The following SATB1 variants were observed in gnomAD, a reference collection of about 807,000 sequenced individuals.
The protein encoded by SATB1 is DNA-binding protein SATB1.
Under a neutral mutation model 86.9 loss-of-function variants are expected in SATB1, and 11 were observed. The ratio of observed to expected loss-of-function variants is 0.13; its 90% CI spans 0.08 to 0.21. SATB1 has a LOEUF of 0.21. SATB1 is among the 10% of genes least tolerant of loss of function. The pLI is 1.00. For missense variants in SATB1, 551 were observed against 937.6 expected (o/e 0.59, Z 5.39); for synonymous variants, 357 against 357.2 (o/e 1.00, Z 0.01).
chr3:18,349,524 C>A lies in SATB1; in HGVS notation c.1938G>T (p.Arg646=). The change falls in exon 11 of 11, where the codon CGG becomes CGT. Residue 646 remains arginine, a synonymous_variant. Coordinates refer to ENST00000338745, the MANE Select transcript of SATB1 (RefSeq NM_002971.6). The surrounding 1 kb of genome is among the most constrained non-coding windows in gnomAD (Gnocchi z 5.5). ...CTTCCACTGAAATTTTTGTTCGTGGCCGGGTCTTCTGTCGGTTTTCCTCAT... is the reference window on the plus strand; with the variant it reads ...CTTCCACTGAAATTTTTGTTCGTGGACGGGTCTTCTGTCGGTTTTCCTCAT... ...ESDEENRQKT[R]PRTKISVEAL... 6.2e-7 allele frequency: 1 copy of A among 1,614,112 alleles called. No homozygotes were observed. The highest frequency in any genetic ancestry group is 8.5e-7 in the Non-Finnish European group (1 of 1,180,026).
At position 18,349,833 on chromosome 3, in the gene SATB1, G is replaced by A. The variant is rs146695920; in HGVS notation, c.1780-151C>T. The A allele has an allele frequency of 3.5e-4, 468 of 1,346,700 alleles. No individual in the cohort carries two copies. In the African/African-American group the frequency reaches 6.4e-3, roughly 18 times the overall value. 83.4% of individuals were successfully genotyped at this position (1,346,700 alleles called of 1,614,324 possible). ...GAAAGAAAAGGTAGGCCGGCGAAAT[G>A]GCCGACAGCATTTACAAAAAAATCA... On this transcript the variant is annotated intron_variant, in intron 10 of 10. Coordinates refer to ENST00000338745, the MANE Select transcript of SATB1 (RefSeq NM_002971.6). This position sits in a 1 kb window ranked among gnomAD's most constrained non-coding sequence, Gnocchi z 5.5.
At chr3:18,414,445 A>C (rs969561746) in intron 5 of SATB1, among the ~76,000 whole-genome samples, 1 of 152,084 alleles carries the variant, frequency 6.6e-6, no homozygotes, top group African/African-American at 2.4e-5. Context: ...ATCAAGGAAA[A>C]TCATTAAAAA....
intron 9 of SATB1, among the ~76,000 whole-genome samples, chr3:18,364,946 GGTTTCCATTAGAGGT>G (rs1695108504): frequency 1.3e-5 from 2 of 152,074 alleles, no homozygotes; most frequent in South Asian, 4.2e-4. Flanking sequence ...AGTAGCCCCA[GGTTTCCATTAGAGGT>G]GTTTCAGAAG....
In SATB1 at chr3:18,386,759, T is replaced by G; in HGVS notation, c.1207-148A>C. The G allele has an allele frequency of 1.6e-6, 1 of 630,392 alleles. No individual in the cohort carries two copies. Among genetic ancestry groups the G allele is most frequent in the Non-Finnish European group, 2.8e-6 (1 of 362,466 alleles). 39.0% of individuals were successfully genotyped at this position (630,392 alleles called of 1,614,324 possible). ...AGGAATATATTAGTTACAACTGAAG[T>G]GGTAGAGAAGAGAGCCTCAATTGTA... On this transcript the variant is annotated intron_variant, in intron 7 of 10. Coordinates refer to ENST00000338745, the MANE Select transcript of SATB1 (RefSeq NM_002971.6). This position sits in a 1 kb window ranked among gnomAD's most constrained non-coding sequence, Gnocchi z 4.5.
intron 5 of SATB1, among the ~76,000 whole-genome samples, chr3:18,401,903 C>A (rs745663696): frequency 1.3e-5 from 2 of 152,122 alleles, no homozygotes; most frequent in Non-Finnish European, 2.9e-5. Flanking sequence ...TAGAATGATA[C>A]CATCTGCCAC....
intron 2 of SATB1, chr3:18,417,783 G>C: frequency 3.2e-6 from 2 of 621,574 alleles, no homozygotes; most frequent in Non-Finnish European, 5.7e-6. Flanking sequence ...GTACCCATAA[G>C]TCTTTAAAAT....
chr3:18,386,652 C>CT lies in SATB1; in HGVS notation c.1207-42dup, dbSNP rs1243857940. 1 of 1,537,150 alleles carries CT rather than the reference C, an allele frequency of 6.5e-7. No individual in the cohort carries two copies. Among genetic ancestry groups the CT allele is most frequent in the East Asian group, 2.3e-5 (1 of 44,408 alleles). ...GGCACAGGGTGAGCCTGCTGCCTTG[C>CT]TTTGCCTGGCCAGCAGTGATCCTTC... On this transcript the variant is annotated intron_variant, in intron 7 of 10. Transcript: ENST00000338745. The surrounding 1 kb of genome is among the most constrained non-coding windows in gnomAD (Gnocchi z 4.5).
At chr3:18,439,894 C>T (rs1216560709), upstream of SATB1, among the ~76,000 whole-genome samples, 1 of 152,214 alleles carries the variant, frequency 6.6e-6, no homozygotes, top group African/African-American at 2.4e-5. Flanking sequence ...AGTATTACAA[C>T]AAAGTAGAAA....
chr3:18,396,727 A>G (rs1322600177), intron 6 of SATB1, among the ~76,000 whole-genome samples: 1 of 152,162 alleles, frequency 6.6e-6, no homozygotes, highest in Non-Finnish European at 1.5e-5. Context: ...TATAAAAATC[A>G]CTTGATCTCT....
intron 5 of SATB1, among the ~76,000 whole-genome samples, chr3:18,404,913 G>C (rs540985333): frequency 6.6e-6 from 1 of 152,006 alleles, no homozygotes; most frequent in Non-Finnish European, 1.5e-5. Context: ...AACATGAAGG[G>C]AACTGAACTA....
At chr3:18,411,126 T>A (rs994912168) in intron 5 of SATB1, 11 of 366,496 alleles carry the variant, frequency 3.0e-5, no homozygotes, top group African/African-American at 4.2e-5. Flanking sequence ...CAAATTTATT[T>A]TATATATATT....
rs1340484412 is a variant in SATB1 at position 18,363,012 on chromosome 3, C to T, written c.1576-10817G>A. Among the ~76,000 whole-genome samples the T allele has an allele frequency of 3.9e-5, 6 of 152,052 alleles. No homozygotes were observed. The East Asian group carries it at 1.2e-3, about 29-fold the overall frequency. On this transcript the variant is annotated intron_variant, in intron 9 of 10. Transcript: ENST00000338745. ...TTGATTTGGATAAATATTTCTGCCA[C>T]TGCATTTTACATTGATTTATGTGAA...
At position 18,349,865 on chromosome 3, in the gene SATB1, T is replaced by C; in HGVS notation, c.1780-183A>G. 1 of 1,082,728 alleles carries C rather than the reference T, an allele frequency of 9.2e-7. No homozygotes were observed. The highest frequency in any genetic ancestry group is 1.3e-6 in the Non-Finnish European group (1 of 782,708). The allele number at this position is 1,082,728 out of a possible 1,614,324, so 67.1% of individuals were successfully genotyped here. A position where few individuals can be genotyped will look rare whatever the true frequency, so the allele number is the denominator to read the frequency against. The stretch of plus-strand genomic sequence containing the variant: ...AGCATTTACAAAAAAATCAAAATGA[T>C]ATGACTAGGAAGGGATGAATTAAGA... On this transcript the variant is annotated intron_variant, in intron 10 of 10. Coordinates refer to ENST00000338745, the MANE Select transcript of SATB1 (RefSeq NM_002971.6). This position sits in a 1 kb window ranked among gnomAD's most constrained non-coding sequence, Gnocchi z 5.5.
At chr3:18,421,859 A>C (rs1184550088) in intron 1 of SATB1, among the ~76,000 whole-genome samples, 1 of 151,250 alleles carries the variant, frequency 6.6e-6, no homozygotes, top group African/African-American at 2.4e-5. Flanking sequence ...AAAAAAAAAC[A>C]CAAACAAAAA....
intron 8 of SATB1, among the ~76,000 whole-genome samples, chr3:18,381,253 C>T (rs1696044770): frequency 6.6e-6 from 1 of 152,252 alleles, no homozygotes; most frequent in South Asian, 2.1e-4. Flanking sequence ...AGATTTTACA[C>T]GAAATGAACT....
chr3:18,417,426 T>A, intron 2 of SATB1: 1 of 563,934 alleles, frequency 1.8e-6, no homozygotes, highest in Non-Finnish European at 3.1e-6. Flanking sequence ...TAATTTGCTA[T>A]GAGTAGTATA....
intron 6 of SATB1, among the ~76,000 whole-genome samples, chr3:18,395,214 C>T (rs1004039426): frequency 1.3e-5 from 2 of 152,170 alleles, no homozygotes; most frequent in Admixed American, 6.5e-5. Context: ...TTCACTCTCA[C>T]TTATTACCCC....
intron 8 of SATB1, among the ~76,000 whole-genome samples, chr3:18,379,545 G>A (rs777872155): frequency 6.6e-6 from 1 of 151,936 alleles, no homozygotes; most frequent in Non-Finnish European, 1.5e-5. Context: ...TGATTTTTTT[G>A]GCATTAAATG....
In SATB1 at chr3:18,407,452, G is replaced by A. The variant is rs550933903; in HGVS notation, c.639+7659C>T. Among the ~76,000 whole-genome samples the A allele has an allele frequency of 2.0e-5, 3 of 152,132 alleles. No homozygotes were observed. The South Asian group carries it at 6.2e-4, about 32-fold the overall frequency. On this transcript the variant is annotated intron_variant, in intron 5 of 10. Coordinates refer to ENST00000338745, the MANE Select transcript of SATB1 (RefSeq NM_002971.6). ...TACATAGACCATGTGGCATGCACAAGTGTGATTTCAAACTCTCAATGCCCA... is the reference window on the plus strand; with the variant it reads ...TACATAGACCATGTGGCATGCACAAATGTGATTTCAAACTCTCAATGCCCA...
Sources: gnomAD v4.1 joint callset for allele counts (sites outside exome capture counted in the v4.1 genomes callset) on GRCh38, gnomAD v4.1.1 for gene constraint, Gnocchi (gnomAD v3.1) non-coding constraint, MANE v1.5 for transcripts, NCBI Gene and HGNC (gene_info 2026-07-23, HGNC 2026-07-21) for gene names.